IFT81: variants seen among roughly 807,000 people sequenced by gnomAD.
IFT81 encodes the protein intraflagellar transport protein 81 homolog.
In IFT81, 72 loss-of-function variants were observed where a neutral mutation model predicts 102.6. The ratio of observed to expected loss-of-function variants is 0.70; its 90% CI spans 0.58 to 0.85. The LOEUF (loss-of-function observed/expected upper bound fraction) is 0.85, where lower values mean the gene tolerates loss of function less well. Ranked by LOEUF, IFT81 falls within the 40% of genes least tolerant of loss-of-function variation. The pLI, the probability that IFT81 is intolerant of heterozygous loss-of-function variation, is 0.00. For synonymous variants in IFT81, 237 were observed against 242.7 expected, an observed-to-expected ratio of 0.98 and a Z score of 0.22; for missense variants, 723 against 787.3, an observed-to-expected ratio of 0.92 and a Z score of 0.98.
At chr12:110,172,393 G>C (rs1290965605) in intron 11 of IFT81, among the ~76,000 whole-genome samples, 3 of 139,054 alleles carry the variant, frequency 2.2e-5, no homozygotes, top group East Asian at 3.9e-4. Context: ...CTCTCCCCAC[G>C]GTCTCCCTCT....
intron 15 of IFT81, 86 bp from the exon 16 acceptor site, chr12:110,205,357 G>T: frequency 7.2e-7 from 1 of 1,396,966 alleles, no homozygotes; most frequent in Non-Finnish European, 9.5e-7. Context: ...TCTGATGGTA[G>T]TCCTTTGTTG....
At chr12:110,146,819 T>G (rs1004355924) in intron 9 of IFT81, 134 bp from the exon 10 acceptor site, 6 of 1,093,204 alleles carry the variant, frequency 5.5e-6, no homozygotes, top group Admixed American at 6.7e-5. Flanking sequence ...AAAAAATTAG[T>G]CTAGGTGAAA....
intron 10 of IFT81, among the ~76,000 whole-genome samples, chr12:110,157,564 A>C (rs1895910669): frequency 6.6e-6 from 1 of 152,130 alleles, no homozygotes; most frequent in Admixed American, 6.6e-5. Context: ...ATTTGTATTT[A>C]ATCAAATTGA....
intron 17 of IFT81, among the ~76,000 whole-genome samples, chr12:110,206,894 T>C (rs1022363685): frequency 1.4e-4 from 21 of 152,292 alleles, no homozygotes; most frequent in African/African-American, 4.6e-4. Flanking sequence ...TGATAAGAAA[T>C]GAGAAAAGTT....
chr12:110,153,388 C>T (rs1895651247), intron 10 of IFT81, among the ~76,000 whole-genome samples: 1 of 151,048 alleles, frequency 6.6e-6, no homozygotes, highest in African/African-American at 2.4e-5. Flanking sequence ...GCATGCACCA[C>T]CATGCCAGCT....
At chr12:110,146,886 C>A in intron 9 of IFT81, 67 bp from the exon 10 acceptor site, 1 of 1,449,804 alleles carries the variant, frequency 6.9e-7, no homozygotes, top group South Asian at 1.5e-5. Context: ...TTTGGCCAGA[C>A]GTCACTTAGT....
At chr12:110,210,401 A>T (rs1324505858) in intron 18 of IFT81, among the ~76,000 whole-genome samples, 1 of 152,198 alleles carries the variant, frequency 6.6e-6, no homozygotes, top group Non-Finnish European at 1.5e-5. Flanking sequence ...GTGTTTCACT[A>T]TACAACATTT....
chr12:110,134,048 T>A (rs989910057), intron 5 of IFT81, among the ~76,000 whole-genome samples: 1 of 151,466 alleles, frequency 6.6e-6, no homozygotes, highest in East Asian at 1.9e-4. Context: ...TCACCCAGGG[T>A]GGAGTGCAAT....
chr12:110,175,935 G>C (rs1378127672), intron 11 of IFT81, among the ~76,000 whole-genome samples: 1 of 151,846 alleles, frequency 6.6e-6, no homozygotes, highest in Non-Finnish European at 1.5e-5. Context: ...CAATAAACTT[G>C]CTTGTTTGCT....
At chr12:110,142,200 C>T (rs1035990666) in intron 8 of IFT81, among the ~76,000 whole-genome samples, 3 of 152,040 alleles carry the variant, frequency 2.0e-5, no homozygotes, top group South Asian at 2.1e-4. Context: ...CTCCCTCTAT[C>T]CCCCAGGCTG....
intron 10 of IFT81, among the ~76,000 whole-genome samples, chr12:110,151,540 A>G (rs1313010519): frequency 1.3e-5 from 2 of 152,152 alleles, no homozygotes; most frequent in African/African-American, 2.4e-5. Context: ...ATTATTTTCT[A>G]AATTGACAAA....
chr12:110,211,950 A>G (rs1869505745), intron 18 of IFT81, among the ~76,000 whole-genome samples: 2 of 152,190 alleles, frequency 1.3e-5, no homozygotes, highest in Admixed American at 1.3e-4. Flanking sequence ...ATATTTATTG[A>G]AGCTTGTCCA....
intron 11 of IFT81, among the ~76,000 whole-genome samples, chr12:110,167,583 A>T (rs73205080): frequency 0.053 from 7,996 of 152,212 alleles, 283 homozygotes; most frequent in Middle Eastern, 0.092. Context: ...AATTTTAAGT[A>T]TATCTTAATA....
At chr12:110,130,979 T>C (rs1354962131) in intron 4 of IFT81, among the ~76,000 whole-genome samples, 8 of 152,100 alleles carry the variant, frequency 5.3e-5, no homozygotes, top group Non-Finnish European at 1.2e-4. Flanking sequence ...TATTCTGTCA[T>C]TCCCCATCAA....
intron 11 of IFT81, among the ~76,000 whole-genome samples, chr12:110,166,621 T>C (rs1307390846): frequency 1.3e-5 from 2 of 151,830 alleles, no homozygotes; most frequent in African/African-American, 4.8e-5. Flanking sequence ...AACAGAGAAA[T>C]TGAAATAATT....
At chr12:110,216,519 A>ATT (rs747093612) in intron 18 of IFT81, 91 of 371,660 alleles carry the variant, frequency 2.4e-4, no homozygotes, top group Middle Eastern at 8.9e-4. Flanking sequence ...ATTCACCTTA[A>ATT]TTTTTTTTTT....
At chr12:110,151,685 C>A (rs116788853) in intron 10 of IFT81, among the ~76,000 whole-genome samples, 1,532 of 152,232 alleles carry the variant, frequency 0.01, 30 homozygotes, top group Middle Eastern at 0.045. Context: ...CACTTAACAT[C>A]TATCCTCTTA....
chr12:110,205,270 A>C, intron 15 of IFT81, 173 bp from the exon 16 acceptor site: 1 of 579,126 alleles, frequency 1.7e-6, no homozygotes, highest in Admixed American at 3.9e-5. Context: ...ATAGAGTGAT[A>C]TGTGTATTCT....
At chr12:110,209,289 C>A in intron 18 of IFT81, 73 bp downstream of exon 18, 1 of 641,654 alleles carries the variant, frequency 1.6e-6, no homozygotes, top group Admixed American at 3.2e-5. Context: ...TGGTTTATGA[C>A]TGTCATTGTT....
Sources: allele counts gnomAD v4.1 joint callset (sites outside exome capture counted in the v4.1 genomes callset), GRCh38; gene constraint gnomAD v4.1.1; transcripts MANE v1.5; gene names NCBI Gene and HGNC (gene_info 2026-07-23, HGNC 2026-07-21).